Variants in DGKQ observed in about 807,000 individuals in gnomAD.
DGKQ encodes diacylglycerol kinase theta.
In DGKQ, 97 loss-of-function variants were observed where a neutral mutation model predicts 104.2. The observed-to-expected ratio is 0.93, with a 90% CI of 0.79 to 1.10. DGKQ has a LOEUF of 1.10. DGKQ is among the 50% of genes least tolerant of loss of function. DGKQ has a pLI of 0.00. For synonymous variants in DGKQ, 736 were observed against 595.2 expected (o/e 1.24, Z -3.44); for missense variants, 1,465 against 1,352.1 (o/e 1.08, Z -1.31).
intron 11 of DGKQ, 53 bp downstream of exon 11, chr4:966,695 C>T: frequency 6.4e-7 from 1 of 1,571,138 alleles, no homozygotes; most frequent in African/African-American, 1.4e-5. Flanking sequence ...GGCAGCAGGT[C>T]CAAACCCAAA....
rs1383016517 is a variant in DGKQ, at chr4:958,949, G to A, written c.*1671C>T. On this transcript the variant is annotated 3_prime_UTR_variant, in exon 23 of 23. Coordinates refer to ENST00000273814, the MANE Select transcript of DGKQ (RefSeq NM_001347.4). ...TAAATTACTGTTGCATTCAGGCAGCGATAAATACAGAGGGGCCCGGTGTGC... is the reference window on the plus strand; with the variant it reads ...TAAATTACTGTTGCATTCAGGCAGCAATAAATACAGAGGGGCCCGGTGTGC... The A allele has an allele frequency of 5.8e-6, 1 of 173,506 alleles. No individual in the cohort carries two copies. Among genetic ancestry groups the A allele is most frequent in the Non-Finnish European group, 1.2e-5 (1 of 82,608 alleles). 10.7% of individuals were successfully genotyped at this position (173,506 alleles called of 1,614,324 possible).
intron 1 of DGKQ, among the ~76,000 whole-genome samples, chr4:972,335 C>T (rs2153011741): frequency 6.6e-6 from 1 of 152,290 alleles, no homozygotes; most frequent in African/African-American, 2.4e-5. Context: ...GCCAGGCCAC[C>T]TTGTGCAGCC....
intron 12 of DGKQ, 179 bp from the exon 13 acceptor site, chr4:966,257 C>T (rs1712325523): frequency 4.7e-6 from 4 of 847,024 alleles, no homozygotes; most frequent in East Asian, 5.4e-5. Context: ...AACCCCTGTC[C>T]GTTCCCCTCG....
chr4:966,845 C>A (rs756839679), intron 10 of DGKQ, 43 bp from the exon 11 acceptor site: 6 of 1,590,398 alleles, frequency 3.8e-6, no homozygotes, highest in Non-Finnish European at 4.3e-6. Flanking sequence ...CAGGCCCCCA[C>A]CACCTCAGGA....
In DGKQ at chr4:973,496, G is replaced by C; in HGVS notation, c.-14C>G. On this transcript the variant is annotated 5_prime_UTR_variant, in exon 1 of 23. Coordinates refer to ENST00000273814, the MANE Select transcript of DGKQ (RefSeq NM_001347.4). ...CGCCGCCGCCATTCCCGGCCCGAGC[G>C]GCCCGAGCCCCTTTAGGTCCGCGCC... is the stretch of plus-strand genomic sequence containing the variant. 1 of 987,432 alleles carries C rather than the reference G, an allele frequency of 1.0e-6. No homozygotes were observed. Among genetic ancestry groups the C allele is most frequent in the South Asian group, 4.7e-5 (1 of 21,272 alleles). 61.2% of individuals were successfully genotyped at this position (987,432 alleles called of 1,614,324 possible). A position where few individuals can be genotyped will look rare whatever the true frequency, so the allele number is the denominator to read the frequency against.
At chr4:968,688 C>A in intron 3 of DGKQ, 123 bp downstream of exon 3, 1 of 1,345,084 alleles carries the variant, frequency 7.4e-7, no homozygotes. Context: ...CTGTGGCCTG[C>A]CAGGCGGCCA....
At position 968,578 on chromosome 4, in the gene DGKQ, A is replaced by G. The variant is rs201391168; in HGVS notation, c.452-14T>C. The G allele has an allele frequency of 5.3e-5, 84 of 1,591,098 alleles. No individual in the cohort carries two copies. Among genetic ancestry groups the G allele is most frequent in the Non-Finnish European group, 6.3e-5 (73 of 1,167,668 alleles). ...GCAGCTCACACACTGGGGGGCAGGC[A>G]GGGTTAGAGGTGTCTGCCGCCCCCG... On this transcript the variant is annotated splice_polypyrimidine_tract_variant and intron_variant, in intron 3 of 22. Coordinates refer to ENST00000273814, the MANE Select transcript of DGKQ (RefSeq NM_001347.4).
In DGKQ at chr4:971,866, G is replaced by A. The variant is rs977023972; in HGVS notation, c.272-794C>T. On this transcript the variant is annotated intron_variant, in intron 1 of 22. Transcript: ENST00000273814. This position sits in a 1 kb window ranked among gnomAD's most constrained non-coding sequence, Gnocchi z 4.0. ...ACGGAGCCCCAGGCAGTCCAGCTGG[G>A]ACAGGGAGCTCTTCCAGAAGGCCCC... Among the ~76,000 whole-genome samples the A allele has an allele frequency of 3.9e-5, 6 of 152,094 alleles. No homozygotes were observed.
chr4:968,478 C>CATCA lies in DGKQ; in HGVS notation c.537_537+1insTGAT (p.Asp180Ter), dbSNP rs1712648124. 8.7e-6 allele frequency: 14 copies of CATCA among 1,603,834 alleles called. No homozygotes were observed. Among genetic ancestry groups the CATCA allele is most frequent in the Non-Finnish European group, 1.2e-5 (14 of 1,175,706 alleles). ...GGGCTCCCTGGGGCCGGTACACTCA[C>CATCA]GTGATCCTGGTGCCCATCCTGGTGG... On this transcript the variant is annotated stop_gained and frameshift_variant and splice_region_variant. Coordinates refer to ENST00000273814, the MANE Select transcript of DGKQ (RefSeq NM_001347.4). LOFTEE classifies it high-confidence loss of function.
chr4:967,303 C>A lies in DGKQ; in HGVS notation c.1046G>T (p.Arg349Leu). Residue 349 changes from arginine to leucine, a missense_variant, in exon 9 of 23, where the codon CGG becomes CTG. By Grantham distance (102) the Arg-to-Leu change is moderately radical (BLOSUM62 -2). Coordinates refer to ENST00000273814, the MANE Select transcript of DGKQ (RefSeq NM_001347.4). ...ACAGGCCTGAGAGGAAGGGGGCAGCCGGCACAGCTCCAGGTGGCCAGGGTC... is the reference window on the plus strand; with the variant it reads ...ACAGGCCTGAGAGGAAGGGGGCAGCAGGCACAGCTCCAGGTGGCCAGGGTC... Reference protein sequence around the residue: ...PEDPGHLELCRLPPSSQACDA... With the variant: ...PEDPGHLELCLLPPSSQACDA... 7 of 1,541,858 alleles carry A rather than the reference C, an allele frequency of 4.5e-6. No individual in the cohort carries two copies. The highest frequency in any genetic ancestry group is 6.1e-6 in the Non-Finnish European group (7 of 1,148,662).
At position 968,290 on chromosome 4, in the gene DGKQ, C is replaced by G. The variant is rs756671976; in HGVS notation, c.655G>C (p.Gly219Arg). 12 of 1,500,648 alleles carry G rather than the reference C, an allele frequency of 8.0e-6. No individual in the cohort carries two copies. The East Asian group carries it at 2.6e-4, about 32-fold the overall frequency. The allele number at this position is 1,500,648 out of a possible 1,614,324, so 93.0% of individuals were successfully genotyped here. The change falls in exon 5 of 23, where the codon GGG (glycine) becomes CGG (arginine). Residue 219 changes from glycine to arginine, a missense_variant. Transcript: ENST00000273814. ...VLAGVRCEWC[G>R]VQAHSLCSAA... ...GACTTCCCAGCGCCCACCTGGACCC[C>G]GCACCACTCGCAGCGCACGCCGGCC...
intron 13 of DGKQ, among the ~76,000 whole-genome samples, 172 bp downstream of exon 13, chr4:965,756 C>T (rs1024837587): frequency 1.3e-5 from 2 of 152,180 alleles, no homozygotes; most frequent in African/African-American, 4.8e-5. Flanking sequence ...GGAACGGCCA[C>T]AGAGGGCGAG....
intron 2 of DGKQ, 98 bp downstream of exon 2, chr4:970,895 C>T: frequency 2.2e-6 from 2 of 892,480 alleles, no homozygotes; most frequent in Admixed American, 4.3e-5. Context: ...CTGCAGGTAT[C>T]ACTAACGTCT....
rs199654101 is a variant in DGKQ at position 962,551 on chromosome 4, C to A, written c.2098G>T (p.Val700Leu). 2 of 1,610,336 alleles carry A rather than the reference C, an allele frequency of 1.2e-6. No individual in the cohort carries two copies. Among genetic ancestry groups the A allele is most frequent in the Admixed American group, 1.7e-5 (1 of 60,018 alleles). The change falls in exon 18 of 23, where the codon GTA becomes TTA. Residue 700 changes from valine to leucine, a missense_variant. Physicochemically the swap from Val to Leu is conservative, Grantham distance 32. Transcript: ENST00000273814. ...TCGGCCTCGTCCACAGACAGCAGTA[C>A]GGAGAACGGGTCCTCGCCGCTGTAG... The part of the protein sequence containing the change: ...AGYSGEDPFS[V>L]LLSVDEADAV...
At position 967,173 on chromosome 4, in the gene DGKQ, CA is replaced by C; in HGVS notation, c.1175del (p.Leu392ArgfsTer8). ...TCTTCAGGACCTCCTGGGCCCGCGG[CA>C]GAGCCCGGATGACCCAGGCCTCTGG... ...ATPEAWVIRA[L>X]PRAQEVLKIY... On this transcript the variant is annotated frameshift_variant, in exon 9 of 23. Transcript: ENST00000273814. LOFTEE classifies it high-confidence loss of function. The C allele has an allele frequency of 6.3e-7, 1 of 1,599,290 alleles. No individual in the cohort carries two copies. Among genetic ancestry groups the C allele is most frequent in the Non-Finnish European group, 8.5e-7 (1 of 1,173,696 alleles).
Position 965,220 on chromosome 4 carries a change from C to T in DGKQ, c.1690G>A (p.Val564Met). Residue 564 changes from valine to methionine, a missense_variant, in exon 15 of 23, where the codon GTG (valine) becomes ATG (methionine). Coordinates refer to ENST00000273814, the MANE Select transcript of DGKQ (RefSeq NM_001347.4). ...RLYMLLKDMAVRGRLLTALVL... is the reference protein window; with the variant it reads ...RLYMLLKDMAMRGRLLTALVL... ...AGGGCAGTGAGCAGCCGGCCCCGCA[C>T]AGCCATGTCCTTCAGCAGCATGTAC... 1 of 1,612,706 alleles carries T rather than the reference C, an allele frequency of 6.2e-7. No homozygotes were observed. Among genetic ancestry groups the T allele is most frequent in the African/African-American group, 1.3e-5 (1 of 75,044 alleles).
intron 22 of DGKQ, 74 bp from the exon 23 acceptor site, chr4:960,795 C>G: frequency 6.4e-7 from 1 of 1,565,442 alleles, no homozygotes; most frequent in Non-Finnish European, 8.7e-7. Flanking sequence ...AGCCCCCGGT[C>G]CTGGGGCCCC....
At chr4:966,437 C>T in intron 12 of DGKQ, 29 bp downstream of exon 12, 1 of 1,609,488 alleles carries the variant, frequency 6.2e-7, no homozygotes, top group South Asian at 1.1e-5. Flanking sequence ...CTGCTGGTTC[C>T]CTGGGGGCCG....
rs555101012 is a variant in DGKQ at position 963,156 on chromosome 4, G to A, written c.1869C>T (p.Asn623=). Residue 623 remains asparagine, a synonymous_variant, in exon 16 of 23, where the codon AAC becomes AAT. Coordinates refer to ENST00000273814, the MANE Select transcript of DGKQ (RefSeq NM_001347.4). ...GGACTCACCCGGGAAGAGGACCTCC[G>A]TTGGTCAGGTCGAAGACCTGATGAG... is the stretch of plus-strand genomic sequence containing the variant. ...LNPHQVFDLT[N]GGPLPGLHLF... 1.5e-5 allele frequency: 24 copies of A among 1,601,230 alleles called. No homozygotes were observed. Among genetic ancestry groups the A allele is most frequent in the East Asian group, 1.3e-4 (6 of 44,508 alleles).
Sources: allele counts gnomAD v4.1 joint callset (sites outside exome capture counted in the v4.1 genomes callset), GRCh38; gene constraint gnomAD v4.1.1; non-coding constraint Gnocchi (gnomAD v3.1); transcripts MANE v1.5; gene names NCBI Gene and HGNC (gene_info 2026-07-23, HGNC 2026-07-21).